MCTP1: variants seen among roughly 807,000 people sequenced by gnomAD.
The protein encoded by MCTP1 is multiple C2 and transmembrane domain containing 1, also known as multiple C2 and transmembrane domain-containing protein 1.
MCTP1 carries 69 observed loss-of-function variants against 120.6 expected under a neutral mutation model. The ratio of observed to expected loss-of-function variants is 0.57; its 90% CI spans 0.47 to 0.70. The LOEUF (loss-of-function observed/expected upper bound fraction) is 0.70, where lower values mean the gene tolerates loss of function less well. Ranked by LOEUF, MCTP1 falls within the 30% of genes least tolerant of loss-of-function variation. The pLI, the probability that MCTP1 is intolerant of heterozygous loss-of-function variation, is 0.00. For synonymous variants in MCTP1, 529 were observed against 493.1 expected, an observed-to-expected ratio of 1.07 and a Z score of -0.96; for missense variants, 1,203 against 1,248.8, an observed-to-expected ratio of 0.96 and a Z score of 0.55.
chr5:95,036,538 C>T (rs1240418523), intron 1 of MCTP1, among the ~76,000 whole-genome samples: 1 of 152,058 alleles, frequency 6.6e-6, no homozygotes, highest in Non-Finnish European at 1.5e-5. Context: ...TCCCCTTTTT[C>T]CCCGCGGATT....
At chr5:95,093,686 A>G (rs1391524663) in intron 1 of MCTP1, among the ~76,000 whole-genome samples, 1 of 152,214 alleles carries the variant, frequency 6.6e-6, no homozygotes, top group African/African-American at 2.4e-5. Flanking sequence ...AAAGAAAGGG[A>G]GTCCTCAAAA....
chr5:94,947,065 T>C (rs1299356124), intron 3 of MCTP1, among the ~76,000 whole-genome samples: 1 of 152,210 alleles, frequency 6.6e-6, no homozygotes, highest in Admixed American at 6.5e-5. Flanking sequence ...TATTCCCCTA[T>C]TTCCAGCATC....
At chr5:95,261,276 C>G (rs1003529195) in intron 1 of MCTP1, among the ~76,000 whole-genome samples, 7 of 152,154 alleles carry the variant, frequency 4.6e-5, no homozygotes, top group African/African-American at 1.7e-4. Flanking sequence ...AAGACCATTT[C>G]CTGATCCTTG....
chr5:95,072,627 AG>A (rs1445847258), intron 1 of MCTP1, among the ~76,000 whole-genome samples: 1 of 152,078 alleles, frequency 6.6e-6, no homozygotes, highest in African/African-American at 2.4e-5. Context: ...TGTTAGGAGG[AG>A]GAAACTAAAG....
At chr5:95,088,149 G>A (rs1043850913) in intron 1 of MCTP1, among the ~76,000 whole-genome samples, 3 of 152,218 alleles carry the variant, frequency 2.0e-5, no homozygotes, top group Admixed American at 6.5e-5. Flanking sequence ...CTCTGAAGCT[G>A]CTGACAAGTG....
intron 1 of MCTP1, among the ~76,000 whole-genome samples, chr5:95,092,770 G>A (rs1755946121): frequency 4.6e-5 from 7 of 152,132 alleles, no homozygotes; most frequent in Admixed American, 4.6e-4. Context: ...TAAAAAGAAA[G>A]GCTTTAGGCC....
At chr5:95,034,040 A>G (rs1040534250) in intron 1 of MCTP1, among the ~76,000 whole-genome samples, 4 of 152,112 alleles carry the variant, frequency 2.6e-5, no homozygotes, top group Admixed American at 6.6e-5. Flanking sequence ...CTCTACAAGG[A>G]GAATTACAAA....
intron 1 of MCTP1, among the ~76,000 whole-genome samples, chr5:95,261,508 C>T (rs1213089425): frequency 3.3e-5 from 5 of 152,146 alleles, no homozygotes; most frequent in African/African-American, 1.2e-4. Context: ...AATTTTGTTG[C>T]ACTCTGGTGC....
intron 1 of MCTP1, among the ~76,000 whole-genome samples, chr5:95,216,625 ACT>A (rs1440006871): frequency 6.7e-6 from 1 of 148,830 alleles, no homozygotes; most frequent in Non-Finnish European, 1.5e-5. Context: ...ATATCACAGC[ACT>A]CTAAGAAGTA....
intron 2 of MCTP1, among the ~76,000 whole-genome samples, chr5:95,012,909 G>T (rs574503319): frequency 1.8e-4 from 27 of 152,228 alleles, no homozygotes; most frequent in Non-Finnish European, 3.4e-4. Flanking sequence ...TAAATCAAAA[G>T]CTAGAAATGA....
At position 95,089,720 on chromosome 5, in the gene MCTP1, C is replaced by T. The variant is rs559980747; in HGVS notation, c.721-72236G>A. On this transcript the variant is annotated intron_variant, in intron 1 of 22. Coordinates refer to ENST00000515393, the MANE Select transcript of MCTP1 (RefSeq NM_024717.7). The stretch of plus-strand genomic sequence containing the variant: ...CTTAATCTGCTGTTTTGTTCCCCTC[C>T]AGTTTAATGTAGTTCATGAACTCTT... Among the ~76,000 whole-genome samples, 4 of 152,238 alleles carry T rather than the reference C, an allele frequency of 2.6e-5. No homozygotes were observed. In the East Asian group the frequency reaches 7.7e-4, roughly 29 times the overall value.
At chr5:94,978,319 G>A (rs996705102) in intron 2 of MCTP1, among the ~76,000 whole-genome samples, 2 of 151,980 alleles carry the variant, frequency 1.3e-5, no homozygotes, top group African/African-American at 2.4e-5. Flanking sequence ...TAAAAATAGA[G>A]CTACCATATG....
At chr5:94,911,614 G>A (rs551678024) in intron 9 of MCTP1, among the ~76,000 whole-genome samples, 13 of 152,250 alleles carry the variant, frequency 8.5e-5, no homozygotes, top group African/African-American at 3.1e-4. Flanking sequence ...CATGCTTCCT[G>A]TACAGCTTGC....
chr5:95,185,237 TACAA>T (rs74272335), intron 1 of MCTP1, among the ~76,000 whole-genome samples: 26,376 of 151,970 alleles, frequency 0.17, 2,767 homozygotes, highest in East Asian at 0.5. Flanking sequence ...ACAAAGACAG[TACAA>T]ACAAAGAAAA....
chr5:95,206,384 G>A (rs1264666963), intron 1 of MCTP1, among the ~76,000 whole-genome samples: 9 of 152,136 alleles, frequency 5.9e-5, no homozygotes, highest in Admixed American at 5.9e-4. Flanking sequence ...GAATGGTAAT[G>A]GGTACAGGGT....
intron 17 of MCTP1, among the ~76,000 whole-genome samples, chr5:94,852,092 A>G (rs558601198): frequency 2.3e-4 from 35 of 152,080 alleles, no homozygotes; most frequent in African/African-American, 8.4e-4. Context: ...AAAAAAGTAC[A>G]ATATAATTTG....
intron 16 of MCTP1, 102 bp from the exon 17 acceptor site, chr5:94,868,554 A>G (rs1797246011): frequency 2.6e-6 from 2 of 764,656 alleles, no homozygotes; most frequent in South Asian, 7.5e-5. Context: ...AGGATTCAGA[A>G]AGTTAATAAA....
intron 2 of MCTP1, among the ~76,000 whole-genome samples, chr5:94,966,050 A>G (rs1352267562): frequency 6.6e-6 from 1 of 152,190 alleles, no homozygotes; most frequent in African/African-American, 2.4e-5. Flanking sequence ...ATACCAGCAC[A>G]AACAGATTAA....
chr5:94,749,252 A>T (rs1270406728), intron 19 of MCTP1, among the ~76,000 whole-genome samples: 1 of 152,244 alleles, frequency 6.6e-6, no homozygotes, highest in Non-Finnish European at 1.5e-5. Context: ...TGGATGACTC[A>T]GCAAAAAACA....
Sources: gnomAD v4.1 joint callset for allele counts (sites outside exome capture counted in the v4.1 genomes callset) on GRCh38, gnomAD v4.1.1 for gene constraint, MANE v1.5 for transcripts, NCBI Gene and HGNC (gene_info 2026-07-23, HGNC 2026-07-21) for gene names.